The following FAM53B variants were observed in gnomAD, a reference collection of about 807,000 sequenced individuals.
FAM53B encodes the protein protein FAM53B.
In FAM53B, 12 loss-of-function variants were observed where a neutral mutation model predicts 32.7. That is an observed-to-expected ratio of 0.37 (90% CI 0.24 to 0.59). The LOEUF is 0.59. Ranked by LOEUF, FAM53B falls within the 20% of genes least tolerant of loss-of-function variation. FAM53B has a pLI of 0.72. For missense variants in FAM53B, 477 were observed against 577.7 expected, an observed-to-expected ratio of 0.83 and a Z score of 1.79; for synonymous variants, 234 against 228.7, an observed-to-expected ratio of 1.02 and a Z score of -0.21.
At chr10:124,634,326 C>A (rs1460397296) in intron 4 of FAM53B, among the ~76,000 whole-genome samples, 1 of 152,166 alleles carries the variant, frequency 6.6e-6, no homozygotes, top group Non-Finnish European at 1.5e-5. Flanking sequence ...TTTCATGGAT[C>A]CATTGATATG....
Position 124,706,849 on chromosome 10 carries a change from T to TG in FAM53B, c.-137dup. On this transcript the variant is annotated 5_prime_UTR_variant, in exon 2 of 5. Coordinates refer to ENST00000337318, the MANE Select transcript of FAM53B (RefSeq NM_014661.4). ...CCCCATTGGCCACTCACCCTTGGGG[T>TG]GGGGCCCTTCTGGGAAATGGCCAAA... 2 of 1,504,404 alleles carry TG rather than the reference T, an allele frequency of 1.3e-6. No homozygotes were observed. The highest frequency in any genetic ancestry group is 8.9e-7 in the Non-Finnish European group (1 of 1,127,014). The allele number at this position is 1,504,404 out of a possible 1,614,324, so 93.2% of individuals were successfully genotyped here.
chr10:124,627,408 C>T (rs1949362705), intron 4 of FAM53B, among the ~76,000 whole-genome samples: 1 of 152,244 alleles, frequency 6.6e-6, no homozygotes, highest in South Asian at 2.1e-4. Flanking sequence ...AAAATGTCTG[C>T]AAAAAGCCGC....
At chr10:124,743,324 T>C (rs1289511289) in intron 1 of FAM53B, among the ~76,000 whole-genome samples, 2 of 152,170 alleles carry the variant, frequency 1.3e-5, no homozygotes, top group East Asian at 1.9e-4. Flanking sequence ...ACTCGACCAG[T>C]GTGCCTGTGC....
chr10:124,712,788 C>T lies in FAM53B; in HGVS notation c.-174-5901G>A, dbSNP rs572542383. ...AGACACAGTGCTCTCTGACTCAACC[C>T]CAGGAGCCCCTACTCAATGACTCAT... On this transcript the variant is annotated intron_variant, in intron 1 of 4. Transcript: ENST00000337318. Among the ~76,000 whole-genome samples the T allele has an allele frequency of 2.0e-5, 3 of 152,320 alleles. No homozygotes were observed. The South Asian group carries it at 6.2e-4, about 32-fold the overall frequency.
chr10:124,641,380 G>T (rs1377668748), intron 4 of FAM53B, among the ~76,000 whole-genome samples: 1 of 152,202 alleles, frequency 6.6e-6, no homozygotes, highest in Admixed American at 6.5e-5. Context: ...TTCAGGACAG[G>T]GCCCCAGCCT....
chr10:124,705,919 G>A (rs1003234981), intron 2 of FAM53B, among the ~76,000 whole-genome samples: 1 of 152,372 alleles, frequency 6.6e-6, no homozygotes, highest in East Asian at 1.9e-4. Context: ...GATCACGGAA[G>A]CTGCAGAGAG....
Position 124,622,797 on chromosome 10 carries a change from G to C in FAM53B, c.*445C>G, listed in dbSNP as rs959864217. Reference sequence around the variant, plus strand: ...GCTGCGGGGCCGACTCCCCAGAAGTGAACCTGAGTGAGGCCAAGAAGGGCC... The same window carrying C: ...GCTGCGGGGCCGACTCCCCAGAAGTCAACCTGAGTGAGGCCAAGAAGGGCC... On this transcript the variant is annotated 3_prime_UTR_variant, in exon 5 of 5. Coordinates refer to ENST00000337318, the MANE Select transcript of FAM53B (RefSeq NM_014661.4). 1.9e-5 allele frequency: 3 copies of C among 160,522 alleles called. No individual in the cohort carries two copies. The highest frequency in any genetic ancestry group is 7.2e-5 in the African/African-American group (3 of 41,724). The allele number at this position is 160,522 out of a possible 1,614,324, so 9.9% of individuals were successfully genotyped here.
intron 1 of FAM53B, among the ~76,000 whole-genome samples, chr10:124,743,154 G>A (rs1287924401): frequency 1.3e-5 from 2 of 151,442 alleles, no homozygotes; most frequent in Non-Finnish European, 2.9e-5. Flanking sequence ...GGACAAGGTG[G>A]GGGGGCGGGG....
intron 2 of FAM53B, among the ~76,000 whole-genome samples, chr10:124,705,973 T>G (rs1177638209): frequency 4.6e-5 from 7 of 152,220 alleles, no homozygotes. Context: ...TATGACTGAG[T>G]GTGGCTTCTC....
In FAM53B at chr10:124,620,361, C is replaced by CCA. The variant is rs1368046016; in HGVS notation, c.*2880_*2881insTG. 5 of 145,082 alleles carry CCA rather than the reference C, an allele frequency of 3.4e-5. No homozygotes were observed. Among genetic ancestry groups the CCA allele is most frequent in the Non-Finnish European group, 7.6e-5 (5 of 65,778 alleles). The allele number at this position is 145,082 out of a possible 1,614,324, so 9.0% of individuals were successfully genotyped here. A position where few individuals can be genotyped will look rare whatever the true frequency, so the allele number is the denominator to read the frequency against. ...GGGGTGCATGTGGCACTAAGCCCCC[C>CCA]CCACCGCCCCGGCTTTCCTGCAGGC... On this transcript the variant is annotated 3_prime_UTR_variant, in exon 5 of 5. Coordinates refer to ENST00000337318, the MANE Select transcript of FAM53B (RefSeq NM_014661.4).
intron 1 of FAM53B, among the ~76,000 whole-genome samples, chr10:124,717,623 G>T (rs934258703): frequency 6.6e-6 from 1 of 152,264 alleles, no homozygotes. Context: ...GACCGAGGTA[G>T]CGGGGAGGTG....
chr10:124,731,868 G>A (rs1280753738), intron 1 of FAM53B, among the ~76,000 whole-genome samples: 2 of 152,204 alleles, frequency 1.3e-5, no homozygotes, highest in South Asian at 2.1e-4. Context: ...TCCCAGAGGT[G>A]TGGGGGCCTT....
At chr10:124,696,679 C>G (rs1194960267) in intron 2 of FAM53B, among the ~76,000 whole-genome samples, 1 of 152,092 alleles carries the variant, frequency 6.6e-6, no homozygotes, top group African/African-American at 2.4e-5. Flanking sequence ...CCAGGGAGAA[C>G]AGCTCTCCCG....
chr10:124,658,654 G>A (rs1180093217), intron 4 of FAM53B, among the ~76,000 whole-genome samples: 1 of 152,188 alleles, frequency 6.6e-6, no homozygotes, highest in Admixed American at 6.5e-5. Flanking sequence ...CACGGCATGT[G>A]GAGGAAGCTG....
chr10:124,722,641 C>A (rs1355222406), intron 1 of FAM53B, among the ~76,000 whole-genome samples: 1 of 152,110 alleles, frequency 6.6e-6, no homozygotes, highest in African/African-American at 2.4e-5. Flanking sequence ...TTGACTTTCA[C>A]AAGAAATAGG....
chr10:124,628,249 C>T (rs1949368356), intron 4 of FAM53B, among the ~76,000 whole-genome samples: 1 of 152,210 alleles, frequency 6.6e-6, no homozygotes, highest in Admixed American at 6.5e-5. Context: ...CTAGGGACTG[C>T]TGTCCCTAGA....
chr10:124,637,555 T>C (rs903893924), intron 4 of FAM53B, among the ~76,000 whole-genome samples: 1 of 152,096 alleles, frequency 6.6e-6, no homozygotes, highest in Non-Finnish European at 1.5e-5. Context: ...CATCTTGAGC[T>C]CCAGACCCAA....
At chr10:124,681,520 T>C (rs1358023088) in intron 4 of FAM53B, 87 bp downstream of exon 4, 1 of 1,198,890 alleles carries the variant, frequency 8.3e-7, no homozygotes, top group Non-Finnish European at 1.1e-6. Context: ...TTTCTGAAAC[T>C]GGCAATCTAT....
At position 124,706,848 on chromosome 10, in the gene FAM53B, G is replaced by A. The variant is rs570691717; in HGVS notation, c.-135C>T. The A allele has an allele frequency of 3.0e-5, 46 of 1,509,682 alleles. No individual in the cohort carries two copies. In the African/African-American group the frequency reaches 5.6e-4, roughly 18 times the overall value. The allele number at this position is 1,509,682 out of a possible 1,614,324, so 93.5% of individuals were successfully genotyped here. A position where few individuals can be genotyped will look rare whatever the true frequency, so the allele number is the denominator to read the frequency against. On this transcript the variant is annotated 5_prime_UTR_variant, in exon 2 of 5. Coordinates refer to ENST00000337318, the MANE Select transcript of FAM53B (RefSeq NM_014661.4). ...TCCCCATTGGCCACTCACCCTTGGG[G>A]TGGGGCCCTTCTGGGAAATGGCCAA... is the stretch of plus-strand genomic sequence containing the variant.
Sources: allele counts gnomAD v4.1 joint callset (sites outside exome capture counted in the v4.1 genomes callset), GRCh38; gene constraint gnomAD v4.1.1; transcripts MANE v1.5; gene names NCBI Gene and HGNC (gene_info 2026-07-23, HGNC 2026-07-21).